The following TKT variants were observed in gnomAD, a reference collection of about 807,000 sequenced individuals.
TKT encodes the protein epididymis luminal protein 107.
Under a neutral mutation model 63.9 loss-of-function variants are expected in TKT, and 47 were observed. That is an observed-to-expected ratio of 0.74 (90% confidence interval 0.58 to 0.94). The LOEUF is 0.94. Ranked by LOEUF, TKT falls within the 40% of genes least tolerant of loss-of-function variation. The pLI is 0.00. For synonymous variants in TKT, 338 were observed against 334.1 expected, an observed-to-expected ratio of 1.01 and a Z score of -0.13; for missense variants, 721 against 846.2, an observed-to-expected ratio of 0.85 and a Z score of 1.84.
Position 53,228,122 on chromosome 3 carries a change from C to T in TKT, c.1507G>A (p.Val503Met). 6.2e-7 allele frequency: 1 copy of T among 1,614,002 alleles called. No homozygotes were observed. The highest frequency in any genetic ancestry group is 8.5e-7 in the Non-Finnish European group (1 of 1,179,990). Residue 503 changes from valine (V) to methionine (M), a missense_variant, in exon 12 of 14, where the codon GTG becomes ATG. Transcript: ENST00000462138. ...GTCACCCCAGCCCCGATAACGGTCA[C>T]CTGGTCATCCTTGCTCTTCAGGACC... ...KVVLKSKDDQ[V>M]TVIGAGVTLH...
intron 1 of TKT, among the ~76,000 whole-genome samples, chr3:53,245,500 C>T (rs1705466502): frequency 6.6e-6 from 1 of 152,080 alleles, no homozygotes; most frequent in Admixed American, 6.6e-5. Flanking sequence ...TAATGGATGT[C>T]AGGTTGGGCG....
chr3:53,253,699 G>A (rs1156522028), intron 1 of TKT, among the ~76,000 whole-genome samples: 1 of 152,236 alleles, frequency 6.6e-6, no homozygotes, highest in East Asian at 1.9e-4. Context: ...GGGAGGCAGA[G>A]GTTGCAGTGA....
intron 1 of TKT, among the ~76,000 whole-genome samples, chr3:53,252,573 A>T (rs1399198954): frequency 1.3e-5 from 2 of 152,180 alleles, no homozygotes; most frequent in African/African-American, 4.8e-5. Flanking sequence ...TCCCTCTCCA[A>T]GACATTACAA....
At chr3:53,243,228 G>A (rs1022416446) in intron 1 of TKT, among the ~76,000 whole-genome samples, 6 of 151,918 alleles carry the variant, frequency 3.9e-5, no homozygotes, top group African/African-American at 7.3e-5. Flanking sequence ...AGCAGGAAGC[G>A]CTGCAGGTCC....
rs1356945818 is a variant in TKT, at chr3:53,235,138, C to T, written c.474G>A (p.Leu158=). The change falls in exon 5 of 14, where the codon CTG becomes CTA. Residue 158 remains leucine (L), a synonymous_variant. Transcript: ENST00000462138. ...TGGCCTCCCATACAGAGCCCTCTGA[C>T]AGCTCCCCGTCTCCCAGCAAGCAAT... The part of the protein sequence containing the change: ...RVYCLLGDGE[L]SEGSVWEAMA... The T allele has an allele frequency of 6.2e-7, 1 of 1,613,222 alleles. No individual in the cohort carries two copies.
intron 6 of TKT, chr3:53,232,175 C>G: frequency 2.5e-6 from 1 of 395,850 alleles, no homozygotes; most frequent in Non-Finnish European, 4.4e-6. Flanking sequence ...AGACTGAACT[C>G]CCAGGTAGCA....
Position 53,237,286 on chromosome 3 carries a change from G to A in TKT, c.438-2112C>T, listed in dbSNP as rs372041829. Among the ~76,000 whole-genome samples the A allele has an allele frequency of 1.3e-3, 191 of 152,234 alleles. 3 individuals carry two copies. The East Asian group carries it at 0.025, about 20-fold the overall frequency. On this transcript the variant is annotated intron_variant, in intron 4 of 13. Transcript: ENST00000462138. ...GTCTGTAATCCCAGCTACTCGGGAA[G>A]CTGAGGCAGGAGAATTACTTGAACC... is the stretch of plus-strand genomic sequence containing the variant.
intron 1 of TKT, among the ~76,000 whole-genome samples, chr3:53,252,916 C>T (rs141078441): frequency 0.15 from 22,902 of 151,878 alleles, 1,884 homozygotes; most frequent in Non-Finnish European, 0.18. Context: ...CTCAGCTCAC[C>T]GCAACTTCTG....
intron 10 of TKT, 77 bp from the exon 11 acceptor site, chr3:53,228,436 C>T: frequency 6.7e-7 from 1 of 1,494,520 alleles, no homozygotes; most frequent in East Asian, 2.3e-5. Context: ...TCTAGAGAGG[C>T]CATCCCTTCC....
chr3:53,240,370 G>T, intron 3 of TKT, 22 bp from the exon 4 acceptor site: 1 of 1,601,252 alleles, frequency 6.2e-7, no homozygotes, highest in Non-Finnish European at 8.5e-7. Flanking sequence ...GAAGGCCACC[G>T]TTAATCTGAG....
chr3:53,229,501 C>A, intron 8 of TKT, 65 bp from the exon 9 acceptor site: 1 of 1,529,298 alleles, frequency 6.5e-7, no homozygotes, highest in South Asian at 1.2e-5. Context: ...GAGCCTAGGA[C>A]CCCTTTTGTG....
intron 13 of TKT, chr3:53,226,190 G>A: frequency 2.4e-6 from 1 of 416,996 alleles, no homozygotes; most frequent in South Asian, 5.2e-5. Flanking sequence ...AAAGTGCTGG[G>A]ATTGCAGGTG....
chr3:53,229,264 C>A lies in TKT; in HGVS notation c.1264+16G>T. ...GTCAAGGGAGCTCCAGGTGTAAACA[C>A]CCTGGCTAAACTCACCGATGGAAAC... On this transcript the variant is annotated intron_variant, in intron 9 of 13. Coordinates refer to ENST00000462138, the MANE Select transcript of TKT (RefSeq NM_001064.4). 1 of 1,613,892 alleles carries A rather than the reference C, an allele frequency of 6.2e-7. No individual in the cohort carries two copies. The highest frequency in any genetic ancestry group is 8.5e-7 in the Non-Finnish European group (1 of 1,179,866).
At chr3:53,255,685 G>A (rs951934238) in intron 1 of TKT, 151 bp downstream of exon 1, 2 of 399,000 alleles carry the variant, frequency 5.0e-6, no homozygotes, top group Admixed American at 4.9e-5. Flanking sequence ...GGGGCCCTGC[G>A]AGGCGCGCGT....
chr3:53,248,240 C>T (rs973070446), intron 1 of TKT, among the ~76,000 whole-genome samples: 5 of 152,144 alleles, frequency 3.3e-5, no homozygotes, highest in Admixed American at 1.3e-4. Flanking sequence ...TAAAGTCACA[C>T]GGCCTGCCAG....
rs543595284 is a variant in TKT at position 53,224,983 on chromosome 3, A to C, written c.*773T>G. On this transcript the variant is annotated 3_prime_UTR_variant, in exon 14 of 14. Coordinates refer to ENST00000462138, the MANE Select transcript of TKT (RefSeq NM_001064.4). ...GCAGTGTGAGGGCAGTCACCTAGGA[A>C]CAGCAGAGCAGGTCGGGGCTGGAGC... 1 of 152,296 alleles carries C rather than the reference A, an allele frequency of 6.6e-6. No individual in the cohort carries two copies. Among genetic ancestry groups the C allele is most frequent in the Non-Finnish European group, 1.5e-5 (1 of 68,098 alleles). The allele number at this position is 152,296 out of a possible 1,614,324, so 9.4% of individuals were successfully genotyped here. A position where few individuals can be genotyped will look rare whatever the true frequency, so the allele number is the denominator to read the frequency against.
chr3:53,255,707 G>C (rs1429314662), intron 1 of TKT, 129 bp downstream of exon 1: 2 of 527,476 alleles, frequency 3.8e-6, no homozygotes, highest in Non-Finnish European at 5.6e-6. Flanking sequence ...TCCGCCCTCC[G>C]ACGGCGCCCG....
chr3:53,246,184 C>T (rs1705494043), intron 1 of TKT, among the ~76,000 whole-genome samples: 1 of 152,154 alleles, frequency 6.6e-6, no homozygotes. Context: ...AGGAGAACCA[C>T]TTGAACCCAG....
At position 53,228,991 on chromosome 3, in the gene TKT, C is replaced by T. The variant is rs782643567; in HGVS notation, c.1395+16G>A. ...TGATGGCTGCCAGCAGGAGAAAGAACAGCCATGCAACCTACCTTTGTATTG... is the reference window on the plus strand; with the variant it reads ...TGATGGCTGCCAGCAGGAGAAAGAATAGCCATGCAACCTACCTTTGTATTG... On this transcript the variant is annotated intron_variant, in intron 10 of 13. Coordinates refer to ENST00000462138, the MANE Select transcript of TKT (RefSeq NM_001064.4). 3.1e-6 allele frequency: 5 copies of T among 1,613,850 alleles called. No homozygotes were observed. The highest frequency in any genetic ancestry group is 4.2e-6 in the Non-Finnish European group (5 of 1,179,862).
Sources: gnomAD v4.1 joint callset for allele counts (sites outside exome capture counted in the v4.1 genomes callset) on GRCh38, gnomAD v4.1.1 for gene constraint, MANE v1.5 for transcripts, NCBI Gene and HGNC (gene_info 2026-07-23, HGNC 2026-07-21) for gene names.